Variants in HYCC2 observed in about 807,000 individuals in gnomAD.
The protein encoded by HYCC2 is hyccin 2.
chr2:201,032,832 A>G, the HYCC2 span, among the ~76,000 whole-genome samples: 3 of 151,940 alleles, frequency 2.0e-5, no homozygotes, highest in Non-Finnish European at 2.9e-5. Context: ...AATTTTTTAT[A>G]ATTTTGTTTT....
At chr2:201,047,052 G>C in the HYCC2 span, among the ~76,000 whole-genome samples, 4 of 152,034 alleles carry the variant, frequency 2.6e-5, no homozygotes, top group African/African-American at 9.7e-5. Context: ...GAAAATAGAA[G>C]GGGAAATGTA....
chr2:200,988,501 G>A, the HYCC2 span: 26 of 1,008,054 alleles, frequency 2.6e-5, no homozygotes, highest in East Asian at 7.6e-5. Flanking sequence ...CATAATTTTC[G>A]AATATGTATT....
chr2:200,986,571 G>A, the HYCC2 span, among the ~76,000 whole-genome samples: 1 of 151,900 alleles, frequency 6.6e-6, no homozygotes, highest in Non-Finnish European at 1.5e-5. Flanking sequence ...ACAGATGGGG[G>A]TTCGGGGGGG....
chr2:200,981,670 C>G, the HYCC2 span: 17 of 1,614,060 alleles, frequency 1.1e-5, 1 homozygote, highest in South Asian at 1.2e-4. This position sits in a 1 kb window ranked among gnomAD's most constrained non-coding sequence, Gnocchi z 4.5. Flanking sequence ...ATCTCGAGGG[C>G]TCTCACTGGA....
the HYCC2 span, among the ~76,000 whole-genome samples, chr2:201,019,112 TC>T: frequency 6.6e-6 from 1 of 152,198 alleles, no homozygotes; most frequent in African/African-American, 2.4e-5. Context: ...AATATTCAGT[TC>T]TTTAGAAGTA....
chr2:201,015,825 A>G, the HYCC2 span, among the ~76,000 whole-genome samples: 1 of 152,120 alleles, frequency 6.6e-6, no homozygotes, highest in Non-Finnish European at 1.5e-5. Context: ...GCTTATGTTC[A>G]ATTGATAGCT....
chr2:200,998,163 C>T, the HYCC2 span, among the ~76,000 whole-genome samples: 1 of 152,194 alleles, frequency 6.6e-6, no homozygotes, highest in African/African-American at 2.4e-5. Flanking sequence ...CAAAGTCCTT[C>T]TTACAAGGTA....
the HYCC2 span, among the ~76,000 whole-genome samples, chr2:201,062,409 G>GAGGCCGAGGCAGGCAGATCACA: frequency 6.6e-6 from 1 of 152,092 alleles, no homozygotes; most frequent in Non-Finnish European, 1.5e-5. Flanking sequence ...AGCACTTTGG[G>GAGGCCGAGGCAGGCAGATCACA]AGGCCGAGGC....
At chr2:201,014,583 T>G in the HYCC2 span, among the ~76,000 whole-genome samples, 3 of 152,174 alleles carry the variant, frequency 2.0e-5, no homozygotes, top group Admixed American at 2.0e-4. Context: ...TTAAAACACC[T>G]AATAAGTGGC....
chr2:201,038,280 T>C, the HYCC2 span, among the ~76,000 whole-genome samples: 5 of 152,242 alleles, frequency 3.3e-5, no homozygotes, highest in South Asian at 1.0e-3. Flanking sequence ...TAGGAACACT[T>C]TTACACTGTT....
the HYCC2 span, chr2:201,021,698 A>C: frequency 5.1e-6 from 1 of 197,710 alleles, no homozygotes; most frequent in Non-Finnish European, 1.1e-5. Flanking sequence ...CTAAAGAGAA[A>C]GCATTAAAAC....
At chr2:201,057,743 G>A in the HYCC2 span, among the ~76,000 whole-genome samples, 2 of 152,046 alleles carry the variant, frequency 1.3e-5, no homozygotes, top group East Asian at 1.9e-4. Context: ...AAAAACTTAG[G>A]CCTGGTTTAT....
At chr2:201,063,568 T>C in the HYCC2 span, 6 of 1,586,266 alleles carry the variant, frequency 3.8e-6, no homozygotes, top group South Asian at 4.4e-5. Context: ...ACTCCGTGGA[T>C]AAGATTGTCA....
the HYCC2 span, among the ~76,000 whole-genome samples, chr2:201,005,666 G>A: frequency 2.6e-5 from 4 of 152,138 alleles, no homozygotes; most frequent in African/African-American, 9.7e-5. Context: ...ACATCCTTGG[G>A]AGTGAATTGA....
At chr2:201,062,964 C>T in the HYCC2 span, 1 of 1,174,024 alleles carries the variant, frequency 8.5e-7, no homozygotes, top group South Asian at 1.3e-5. Flanking sequence ...GCTGCTGCTG[C>T]TGCTATTACT....
the HYCC2 span, among the ~76,000 whole-genome samples, chr2:200,997,845 G>T: frequency 6.6e-6 from 1 of 152,264 alleles, no homozygotes; most frequent in South Asian, 2.1e-4. Flanking sequence ...AGACCATCCT[G>T]GCTAACACGG....
the HYCC2 span, among the ~76,000 whole-genome samples, chr2:201,041,638 C>A: frequency 6.6e-6 from 1 of 152,190 alleles, no homozygotes; most frequent in Non-Finnish European, 1.5e-5. Flanking sequence ...ACTTCTTTAT[C>A]AGACCTCATT....
chr2:201,027,430 T>C, the HYCC2 span, among the ~76,000 whole-genome samples: 831 of 152,032 alleles, frequency 5.5e-3, 2 homozygotes, highest in Middle Eastern at 0.014. Flanking sequence ...TTCCAATCAA[T>C]AGAAAAAGAG....
the HYCC2 span, among the ~76,000 whole-genome samples, chr2:201,001,275 T>G: frequency 6.6e-6 from 1 of 152,200 alleles, no homozygotes; most frequent in Admixed American, 6.5e-5. Flanking sequence ...CTGAATCTGC[T>G]GGCACTTTAA....
Sources: allele counts gnomAD v4.1 joint callset (sites outside exome capture counted in the v4.1 genomes callset), GRCh38; gene constraint gnomAD v4.1.1; non-coding constraint Gnocchi (gnomAD v3.1); transcripts MANE v1.5; gene names NCBI Gene and HGNC (gene_info 2026-07-23, HGNC 2026-07-21).